The following FRY variants were observed in gnomAD, a reference collection of about 807,000 sequenced individuals.
The protein encoded by FRY is FRY microtubule binding protein.
Under a neutral mutation model 348.4 loss-of-function variants are expected in FRY, and 128 were observed. That is an observed-to-expected ratio of 0.37 (90% CI 0.32 to 0.43). FRY has a LOEUF of 0.43. Among genes scored for constraint, FRY ranks in the 20% least tolerant of loss-of-function variants. The pLI, the probability that FRY is intolerant of heterozygous loss-of-function variation, is 1.00. For synonymous variants in FRY, 1,370 were observed against 1,374.7 expected (o/e 1.00, Z 0.08); for missense variants, 2,736 against 3,695.2 (o/e 0.74, Z 6.73).
chr13:32,260,144 C>T (rs141430597), intron 51 of FRY, among the ~76,000 whole-genome samples: 12 of 152,278 alleles, frequency 7.9e-5, no homozygotes, highest in African/African-American at 2.4e-4. Context: ...GAGACAGACA[C>T]GACCCTCTGC....
At chr13:32,257,908 A>G in intron 51 of FRY, 2 of 1,484,568 alleles carry the variant, frequency 1.3e-6, no homozygotes, top group Non-Finnish European at 9.4e-7. Context: ...TCTTTAATAT[A>G]ATCATTGTAA....
At chr13:32,209,480 T>C in intron 32 of FRY, 105 bp from the exon 33 acceptor site, 2 of 1,078,082 alleles carry the variant, frequency 1.9e-6, no homozygotes, top group Non-Finnish European at 2.9e-6. Context: ...TTACCCCTTC[T>C]TATGATTTTG....
chr13:32,142,797 A>G (rs1184170695), intron 11 of FRY, among the ~76,000 whole-genome samples: 2 of 152,206 alleles, frequency 1.3e-5, no homozygotes, highest in African/African-American at 4.8e-5. Context: ...TTTTTAATAT[A>G]TAACCTGCTG....
intron 21 of FRY, 111 bp downstream of exon 21, chr13:32,178,547 A>G (rs1009841928): frequency 2.9e-5 from 35 of 1,203,222 alleles, no homozygotes; most frequent in Non-Finnish European, 3.9e-5. Context: ...TGAACTTCCT[A>G]CTAGAGAATT....
intron 3 of FRY, among the ~76,000 whole-genome samples, chr13:32,109,574 A>G (rs1877820815): frequency 6.6e-6 from 1 of 152,138 alleles, no homozygotes; most frequent in Non-Finnish European, 1.5e-5. Context: ...ACAAAGGAGA[A>G]GTTGAAGGTG....
intron 1 of FRY, chr13:32,061,120 T>G (rs758405471): frequency 5.6e-6 from 3 of 533,314 alleles, no homozygotes; most frequent in African/African-American, 3.8e-5. Flanking sequence ...TTACAACTGC[T>G]TGTTGGAGAC....
chr13:32,270,262 T>A (rs1888140301), intron 55 of FRY, among the ~76,000 whole-genome samples: 1 of 151,586 alleles, frequency 6.6e-6, no homozygotes, highest in Non-Finnish European at 1.5e-5. Context: ...GGCTAGAGTG[T>A]AATGGCACGA....
At chr13:32,194,415 AAAATG>A in intron 29 of FRY, 118 bp downstream of exon 29, 1 of 903,732 alleles carries the variant, frequency 1.1e-6, no homozygotes, top group Non-Finnish European at 1.8e-6. Flanking sequence ...ATGAGAATAT[AAAATG>A]TTCTGTATGT....
Position 32,244,031 on chromosome 13 carries a change from T to A in FRY, c.6688-11T>A. Reference sequence around the variant, plus strand: ...TGTGTGACTGACTCCAGCCGCACTTTGCCCCCACAGCTGCTGGAGAAGGGC... The same window carrying A: ...TGTGTGACTGACTCCAGCCGCACTTAGCCCCCACAGCTGCTGGAGAAGGGC... On this transcript the variant is annotated splice_polypyrimidine_tract_variant and intron_variant, in intron 46 of 60. Transcript: ENST00000542859. The A allele has an allele frequency of 6.2e-7, 1 of 1,613,650 alleles. No homozygotes were observed. The highest frequency in any genetic ancestry group is 8.5e-7 in the Non-Finnish European group (1 of 1,179,890).
intron 11 of FRY, among the ~76,000 whole-genome samples, chr13:32,144,517 A>G (rs1237844888): frequency 1.3e-5 from 2 of 152,058 alleles, no homozygotes; most frequent in Non-Finnish European, 2.9e-5. Context: ...TTAGACTTTT[A>G]GAATAATGAC....
At position 32,161,255 on chromosome 13, in the gene FRY, G is replaced by A. The variant is rs746604721; in HGVS notation, c.1892+4G>A. 1.3e-6 allele frequency: 2 copies of A among 1,556,276 alleles called. No individual in the cohort carries two copies. Among genetic ancestry groups the A allele is most frequent in the African/African-American group, 1.4e-5 (1 of 73,832 alleles). The stretch of plus-strand genomic sequence containing the variant: ...AACTTATTGACTTACTGGCTAGGTA[G>A]GTGAGAATATTATTTGGCCAAAATT... On this transcript the variant is annotated splice_donor_region_variant and intron_variant, in intron 17 of 60. Transcript: ENST00000542859.
chr13:32,129,503 A>G (rs1289788654), intron 7 of FRY, among the ~76,000 whole-genome samples: 1 of 152,214 alleles, frequency 6.6e-6, no homozygotes, highest in South Asian at 2.1e-4. Context: ...AACACAGCTA[A>G]TATTTTCTAC....
At chr13:32,059,860 C>A (rs1050013536) in intron 1 of FRY, among the ~76,000 whole-genome samples, 3 of 152,186 alleles carry the variant, frequency 2.0e-5, no homozygotes, top group African/African-American at 7.2e-5. Flanking sequence ...AAACCAAATA[C>A]CACATATTCA....
intron 2 of FRY, among the ~76,000 whole-genome samples, chr13:32,091,832 G>C (rs17591593): frequency 0.22 from 33,281 of 152,160 alleles, 4,409 homozygotes; most frequent in Non-Finnish European, 0.3. Context: ...CTAAAAGATA[G>C]CTGAAGCTTA....
intron 1 of FRY, among the ~76,000 whole-genome samples, chr13:32,072,427 T>C (rs2138502247): frequency 6.6e-6 from 1 of 152,316 alleles, no homozygotes; most frequent in South Asian, 2.1e-4. Flanking sequence ...TTGCTGAAAC[T>C]ATTGATTTTT....
At chr13:32,258,612 C>A (rs1201881557) in intron 51 of FRY, among the ~76,000 whole-genome samples, 8 of 143,996 alleles carry the variant, frequency 5.6e-5, no homozygotes, top group South Asian at 2.2e-4. Flanking sequence ...GACTCTGTCT[C>A]AAAAAAAAAA....
chr13:32,129,829 C>A (rs957594002), intron 7 of FRY, among the ~76,000 whole-genome samples: 3 of 152,142 alleles, frequency 2.0e-5, no homozygotes, highest in African/African-American at 4.8e-5. Context: ...GTTACCTCCC[C>A]ACCTAAGCCA....
chr13:32,181,947 G>A (rs1340091774), intron 23 of FRY, among the ~76,000 whole-genome samples: 3 of 152,098 alleles, frequency 2.0e-5, no homozygotes, highest in Admixed American at 6.5e-5. Flanking sequence ...GGAAATTATC[G>A]ATGTTATTCC....
intron 49 of FRY, among the ~76,000 whole-genome samples, chr13:32,250,268 G>A (rs1158588332): frequency 6.6e-6 from 1 of 152,186 alleles, no homozygotes; most frequent in African/African-American, 2.4e-5. Flanking sequence ...TTATTCAGGG[G>A]TCTTCTGTTG....
Sources: gnomAD v4.1 joint callset for allele counts (sites outside exome capture counted in the v4.1 genomes callset) on GRCh38, gnomAD v4.1.1 for gene constraint, MANE v1.5 for transcripts, NCBI Gene and HGNC (gene_info 2026-07-23, HGNC 2026-07-21) for gene names.